ICE1: variants seen among roughly 807,000 people sequenced by gnomAD.
ICE1 encodes the protein little elongation complex subunit 1.
ICE1 carries 64 observed loss-of-function variants against 192.7 expected under a neutral mutation model. The ratio of observed to expected loss-of-function variants is 0.33; its 90% confidence interval spans 0.27 to 0.41. The LOEUF (loss-of-function observed/expected upper bound fraction) is 0.41. Ranked by LOEUF, ICE1 falls within the 10% of genes least tolerant of loss-of-function variation. ICE1 has a pLI of 1.00. For missense variants in ICE1, 2,708 were observed against 2,696.0 expected (o/e 1.00, Z -0.10); for synonymous variants, 1,010 against 984.5 (o/e 1.03, Z -0.49).
chr5:5,457,721 T>G lies in ICE1; in HGVS notation c.1081T>G (p.Leu361Val). ...PPMSSPHPGSLPSSFAPETYF... is the reference protein window; with the variant it reads ...PPMSSPHPGSVPSSFAPETYF... ...GATGTCATCACCTCACCCGGGTTCCTTACCGTCTTCATTTGCACCTGTGAG... is the reference window on the plus strand; with the variant it reads ...GATGTCATCACCTCACCCGGGTTCCGTACCGTCTTCATTTGCACCTGTGAG... The change falls in exon 12 of 19, where the codon TTA becomes GTA. Residue 361 changes from leucine to valine, a missense_variant. Physicochemically the swap from Leu to Val is conservative, Grantham distance 32. Coordinates refer to ENST00000296564, the MANE Select transcript of ICE1 (RefSeq NM_015325.3). 1 of 1,612,006 alleles carries G rather than the reference T, an allele frequency of 6.2e-7. No individual in the cohort carries two copies. Among genetic ancestry groups the G allele is most frequent in the Non-Finnish European group, 8.5e-7 (1 of 1,178,410 alleles).
chr5:5,474,608 A>G (rs758388899), intron 16 of ICE1, among the ~76,000 whole-genome samples: 12 of 152,334 alleles, frequency 7.9e-5, no homozygotes, highest in South Asian at 6.2e-4. Flanking sequence ...TAATTCTGGC[A>G]CTAGCTTTGT....
At chr5:5,444,152 C>T (rs2111351486) in intron 6 of ICE1, 137 bp from the exon 7 acceptor site, 2 of 625,512 alleles carry the variant, frequency 3.2e-6, no homozygotes, top group East Asian at 2.8e-5. Flanking sequence ...ATATTATTCT[C>T]TCTTAGGATA....
At chr5:5,454,481 C>T (rs1738529226) in intron 10 of ICE1, 71 bp from the exon 11 acceptor site, 5 of 1,014,018 alleles carry the variant, frequency 4.9e-6, no homozygotes, top group Non-Finnish European at 7.6e-6. Flanking sequence ...CCTGATTTCA[C>T]AGAAGTATGT....
At chr5:5,423,746 CTT>C (rs1737420768) in intron 1 of ICE1, among the ~76,000 whole-genome samples, 1 of 152,164 alleles carries the variant, frequency 6.6e-6, no homozygotes, top group Non-Finnish European at 1.5e-5. Context: ...TCGGGGGTCT[CTT>C]TTAACTTCCT....
rs1738142399 is a variant in ICE1, at chr5:5,444,330, A to G, written c.424+4A>G. ...GCTAAGGTGAAGAAGCTGCAAGGTA[A>G]GTGGCACTATTGTTACCTGAAGTTT... On this transcript the variant is annotated splice_donor_region_variant and intron_variant, in intron 7 of 18. Coordinates refer to ENST00000296564, the MANE Select transcript of ICE1 (RefSeq NM_015325.3). The G allele has an allele frequency of 6.4e-7, 1 of 1,564,612 alleles. No homozygotes were observed. Among genetic ancestry groups the G allele is most frequent in the East Asian group, 2.3e-5 (1 of 42,716 alleles).
chr5:5,439,441 T>C (rs1410434555), intron 3 of ICE1, among the ~76,000 whole-genome samples: 1 of 152,168 alleles, frequency 6.6e-6, no homozygotes, highest in East Asian at 1.9e-4. Context: ...ATGAGAGTTT[T>C]GTAGATTTTA....
intron 18 of ICE1, among the ~76,000 whole-genome samples, chr5:5,488,162 G>C (rs1458342828): frequency 2.0e-5 from 3 of 152,314 alleles, no homozygotes; most frequent in South Asian, 2.1e-4. Context: ...TGGTTTATGG[G>C]GGGGAGTAAT....
Position 5,486,829 on chromosome 5 carries a change from A to G in ICE1, c.6619+10A>G. 4 of 1,559,988 alleles carry G rather than the reference A, an allele frequency of 2.6e-6. No homozygotes were observed. Among genetic ancestry groups the G allele is most frequent in the Non-Finnish European group, 3.5e-6 (4 of 1,145,242 alleles). On this transcript the variant is annotated intron_variant, in intron 18 of 18. Coordinates refer to ENST00000296564, the MANE Select transcript of ICE1 (RefSeq NM_015325.3). ...CATGCTCACGATGAAGGTAAAACTT[A>G]CATCTATTAAAATTACTTTTAAGTA...
In ICE1 at chr5:5,457,671, T is replaced by G. The variant is rs1421068811; in HGVS notation, c.1031T>G (p.Leu344Arg). 1.2e-6 allele frequency: 2 copies of G among 1,614,004 alleles called. No homozygotes were observed. The change falls in exon 12 of 19, where the codon CTG (leucine) becomes CGG (arginine). Residue 344 changes from leucine (L) to arginine (R), a missense_variant. This residue lies in a region of ICE1 where 2,366 missense variants were observed against 2,276.6 expected (regional missense o/e 1.04). Transcript: ENST00000296564. ...TTCTTCAAACTTCCCCCTCCTCTTC[T>G]GTCACCAGTGCCCTCGCCCCCTCCG... ...IDFFKLPPPL[L>R]SPVPSPPPMS... is the part of the protein sequence containing the mutation.
At chr5:5,480,500 G>A (rs7713609) in intron 17 of ICE1, among the ~76,000 whole-genome samples, 6,750 of 152,000 alleles carry the variant, frequency 0.044, 566 homozygotes, top group East Asian at 0.32. Context: ...CACCCACCTC[G>A]GCCTCCCAAA....
intron 5 of ICE1, among the ~76,000 whole-genome samples, chr5:5,441,986 T>C (rs141599971): frequency 2.0e-5 from 3 of 152,314 alleles, no homozygotes; most frequent in African/African-American, 7.2e-5. Context: ...GTGATACTTA[T>C]TAAGCTGAGA....
In ICE1 at chr5:5,462,095, G is replaced by T; in HGVS notation, c.2761G>T (p.Val921Leu). The T allele has an allele frequency of 6.2e-7, 1 of 1,613,862 alleles. No individual in the cohort carries two copies. Residue 921 changes from valine to leucine, a missense_variant, in exon 13 of 19, where the codon GTG (valine) becomes TTG (leucine). Physicochemically the swap from Val to Leu is conservative, Grantham distance 32. Coordinates refer to ENST00000296564, the MANE Select transcript of ICE1 (RefSeq NM_015325.3). Reference protein sequence around the residue: ...TTQNITEVAAVKSISPEVSAS... With the variant: ...TTQNITEVAALKSISPEVSAS... ...ACAAAACATCACGGAGGTGGCTGCT[G>T]TGAAAAGCATTTCACCAGAAGTTTC...
intron 13 of ICE1, among the ~76,000 whole-genome samples, chr5:5,466,059 A>T (rs889196019): frequency 2.4e-4 from 37 of 152,178 alleles, no homozygotes; most frequent in African/African-American, 8.4e-4. Flanking sequence ...GACAGTATGC[A>T]GCTAGGTCTT....
Position 5,460,884 on chromosome 5 carries a change from C to T in ICE1, c.1550C>T (p.Pro517Leu). The T allele has an allele frequency of 1.2e-6, 2 of 1,614,046 alleles. No individual in the cohort carries two copies. The highest frequency in any genetic ancestry group is 1.7e-6 in the Non-Finnish European group (2 of 1,179,908). Residue 517 changes from proline (P) to leucine (L), a missense_variant, in exon 13 of 19, where the codon CCT becomes CTT. Around this residue, in one of 2 missense-constraint regions of ICE1, gnomAD observed 2,366 missense variants for 2,276.6 expected, o/e 1.04. Coordinates refer to ENST00000296564, the MANE Select transcript of ICE1 (RefSeq NM_015325.3). ...TGCATTGAGAGATTGTCTGCCAGCC[C>T]TGCACAAGAGAAGGAAGCTGCCCCT... ...GLCIERLSAS[P>L]AQEKEAAPGK...
intron 4 of ICE1, among the ~76,000 whole-genome samples, chr5:5,440,392 G>A (rs1332392595): frequency 1.3e-5 from 2 of 152,184 alleles, no homozygotes; most frequent in South Asian, 2.1e-4. Flanking sequence ...TTGAATAAAT[G>A]GGTATGAGCT....
At position 5,476,212 on chromosome 5, in the gene ICE1, T is replaced by C. The variant is rs192527488; in HGVS notation, c.6520+133T>C. On this transcript the variant is annotated intron_variant, in intron 17 of 18. Coordinates refer to ENST00000296564, the MANE Select transcript of ICE1 (RefSeq NM_015325.3). Reference sequence around the variant, plus strand: ...TTACAACCATCAGAGTAGATACTTTTGTACTTAAGTCATTCTCCTTTCTCT... The same window carrying C: ...TTACAACCATCAGAGTAGATACTTTCGTACTTAAGTCATTCTCCTTTCTCT... 15 of 528,590 alleles carry C rather than the reference T, an allele frequency of 2.8e-5. No homozygotes were observed. In the Admixed American group the frequency reaches 5.3e-4, roughly 19 times the overall value. The allele number at this position is 528,590 out of a possible 1,614,324, so 32.7% of individuals were successfully genotyped here. A position where few individuals can be genotyped will look rare whatever the true frequency, so the allele number is the denominator to read the frequency against.
At chr5:5,425,148 T>C (rs1196974380) in intron 1 of ICE1, among the ~76,000 whole-genome samples, 1 of 152,204 alleles carries the variant, frequency 6.6e-6, no homozygotes, top group Non-Finnish European at 1.5e-5. Context: ...CGCTCTGCCT[T>C]CATTATTCAC....
At position 5,422,915 on chromosome 5, in the gene ICE1, C is replaced by A; in HGVS notation, c.-1C>A. 7 of 1,405,586 alleles carry A rather than the reference C, an allele frequency of 5.0e-6. No homozygotes were observed. The highest frequency in any genetic ancestry group is 1.5e-5 in the South Asian group (1 of 66,752). The allele number at this position is 1,405,586 out of a possible 1,614,324, so 87.1% of individuals were successfully genotyped here. ...TGCCCACCGGGCCCGGCGGCGGCAC[C>A]ATGATGCCGGGCGAGACCCATTCGG... On this transcript the variant is annotated 5_prime_UTR_variant, in exon 1 of 19. Coordinates refer to ENST00000296564, the MANE Select transcript of ICE1 (RefSeq NM_015325.3).
At chr5:5,457,835 C>G (rs1182317996) in intron 12 of ICE1, 94 bp downstream of exon 12, 52 of 1,272,116 alleles carry the variant, frequency 4.1e-5, no homozygotes, top group Non-Finnish European at 5.6e-5. Context: ...GATATTCTTG[C>G]ACAGATTATT....
Sources: allele counts gnomAD v4.1 joint callset (sites outside exome capture counted in the v4.1 genomes callset), GRCh38; gene constraint gnomAD v4.1.1; regional missense constraint gnomAD v4.1.1; transcripts MANE v1.5; gene names NCBI Gene and HGNC (gene_info 2026-07-23, HGNC 2026-07-21).